The following HTR4 variants were observed in gnomAD, a reference collection of about 807,000 sequenced individuals.
The protein encoded by HTR4 is 5-hydroxytryptamine receptor 4.
In HTR4, 16 loss-of-function variants were observed where a neutral mutation model predicts 36.8. The observed-to-expected ratio is 0.43, with a 90% CI of 0.29 to 0.66. HTR4 has a LOEUF of 0.66. Among genes scored for constraint, HTR4 ranks in the 30% least tolerant of loss-of-function variants. The probability of loss-of-function intolerance (pLI) is 0.13; values close to 1 mark genes in which losing one functional copy is unlikely to be tolerated. For missense variants in HTR4, 438 were observed against 490.9 expected (o/e 0.89, Z 1.02); for synonymous variants, 189 against 185.1 (o/e 1.02, Z -0.17).
intron 4 of HTR4, among the ~76,000 whole-genome samples, chr5:148,534,415 T>A: frequency 6.6e-6 from 1 of 152,176 alleles, no homozygotes; most frequent in East Asian, 1.9e-4. Context: ...CTTAAGTGGG[T>A]ACCTGTTCCC....
chr5:148,508,333 T>C (rs774259025), intron 6 of HTR4, among the ~76,000 whole-genome samples: 1 of 152,168 alleles, frequency 6.6e-6, no homozygotes, highest in Non-Finnish European at 1.5e-5. Context: ...AATGTATTTA[T>C]CACACATAGC....
intron 6 of HTR4, among the ~76,000 whole-genome samples, chr5:148,489,436 T>A (rs1756311337): frequency 6.6e-6 from 1 of 151,910 alleles, no homozygotes; most frequent in Non-Finnish European, 1.5e-5. Flanking sequence ...CCCATAGGAG[T>A]GACAGTGAGT....
intron 2 of HTR4, among the ~76,000 whole-genome samples, chr5:148,574,815 T>C (rs1174934209): frequency 6.6e-6 from 1 of 152,098 alleles, no homozygotes; most frequent in Non-Finnish European, 1.5e-5. Context: ...GTAAGTGAAA[T>C]TTCCACCCAC....
At chr5:148,638,556 G>T (rs898627853) in intron 1 of HTR4, among the ~76,000 whole-genome samples, 2 of 152,004 alleles carry the variant, frequency 1.3e-5, no homozygotes, top group Non-Finnish European at 2.9e-5. Context: ...GGTGTAGACA[G>T]TGCCCATCCA....
At chr5:148,504,896 G>T (rs1757119743) in intron 6 of HTR4, among the ~76,000 whole-genome samples, 1 of 152,170 alleles carries the variant, frequency 6.6e-6, no homozygotes, top group African/African-American at 2.4e-5. Context: ...AAACCTACAA[G>T]AAATGGATAA....
intron 4 of HTR4, among the ~76,000 whole-genome samples, chr5:148,542,936 CAT>C (rs1491299297): frequency 6.6e-6 from 1 of 152,088 alleles, no homozygotes; most frequent in Non-Finnish European, 1.5e-5. Flanking sequence ...TTCTTCACAC[CAT>C]ATGTTTTTGG....
chr5:148,620,625 T>A (rs1167270487), intron 2 of HTR4, among the ~76,000 whole-genome samples: 2 of 152,222 alleles, frequency 1.3e-5, no homozygotes, highest in Non-Finnish European at 2.9e-5. Flanking sequence ...ATATGTTAAG[T>A]TAAATTGAAT....
intron 2 of HTR4, among the ~76,000 whole-genome samples, chr5:148,628,129 A>G (rs1753188222): frequency 6.6e-6 from 1 of 152,226 alleles, no homozygotes; most frequent in Non-Finnish European, 1.5e-5. Context: ...CCAAATGAAC[A>G]TATCTGCTAG....
chr5:148,605,360 G>A (rs1055195864), intron 2 of HTR4, among the ~76,000 whole-genome samples: 2 of 147,232 alleles, frequency 1.4e-5, no homozygotes, highest in African/African-American at 5.1e-5. Context: ...CCAGGTTCAA[G>A]CGATTCTCCT....
In HTR4 at chr5:148,600,891, C is replaced by G. The variant is rs1349035191; in HGVS notation, c.26+36098G>C. Among the ~76,000 whole-genome samples the G allele has an allele frequency of 2.4e-5, 3 of 127,096 alleles. No individual in the cohort carries two copies. In the Admixed American group the frequency reaches 2.8e-4, roughly 12 times the overall value. 83.4% of individuals were successfully genotyped at this position (127,096 alleles called of 152,430 possible). On this transcript the variant is annotated intron_variant, in intron 2 of 6. Transcript: ENST00000377888. ...GCCAAATAAATGAAAATGCAACCCA[C>G]AGAATAAGAGAAAATACATGCAAAC...
intron 4 of HTR4, among the ~76,000 whole-genome samples, chr5:148,544,855 A>G (rs1028501851): frequency 5.9e-5 from 9 of 152,180 alleles, no homozygotes; most frequent in Admixed American, 5.9e-4. Flanking sequence ...GTTACAAATT[A>G]AAGTGAGCCC....
downstream of HTR4, among the ~76,000 whole-genome samples, chr5:148,474,273 A>G (rs1447772420): frequency 1.3e-5 from 2 of 151,842 alleles, no homozygotes; most frequent in Non-Finnish European, 2.9e-5. Context: ...CCCAGCGGCA[A>G]GTTACTGAGA....
chr5:148,554,782 G>T (rs1759860043), intron 2 of HTR4, among the ~76,000 whole-genome samples: 1 of 152,050 alleles, frequency 6.6e-6, no homozygotes, highest in South Asian at 2.1e-4. Flanking sequence ...GTAGTTTCTT[G>T]ATCCTCACCC....
chr5:148,599,174 ATGCAATTGG>A (rs1201114811), intron 2 of HTR4, among the ~76,000 whole-genome samples: 1 of 152,192 alleles, frequency 6.6e-6, no homozygotes. Context: ...TGCAAGGTAT[ATGCAATTGG>A]TAGTCCACAA....
intron 2 of HTR4, among the ~76,000 whole-genome samples, chr5:148,600,991 A>AAC (rs1761970704): frequency 6.7e-6 from 1 of 148,548 alleles, no homozygotes; most frequent in Non-Finnish European, 1.5e-5. Flanking sequence ...AAAAAAAAAA[A>AAC]AAAAAAAAAA....
chr5:148,569,935 A>G (rs1760608402), intron 2 of HTR4, among the ~76,000 whole-genome samples: 1 of 152,088 alleles, frequency 6.6e-6, no homozygotes, highest in African/African-American at 2.4e-5. Context: ...TTGTATGCTT[A>G]TGGGTTACTT....
At chr5:148,622,421 C>T (rs749709527) in intron 2 of HTR4, among the ~76,000 whole-genome samples, 1 of 152,190 alleles carries the variant, frequency 6.6e-6, no homozygotes, top group Admixed American at 6.5e-5. Flanking sequence ...CTTAACCTTT[C>T]CACATGTCCC....
At chr5:148,643,763 GACTA>G (rs1193768523) in intron 1 of HTR4, among the ~76,000 whole-genome samples, 1 of 152,160 alleles carries the variant, frequency 6.6e-6, no homozygotes, top group Admixed American at 6.5e-5. Context: ...AGGAGTTTGA[GACTA>G]ACTGTGAGGT....
chr5:148,484,839 A>T (rs1756075873), intron 6 of HTR4, among the ~76,000 whole-genome samples: 1 of 152,200 alleles, frequency 6.6e-6, no homozygotes, highest in African/African-American at 2.4e-5. Context: ...GATTTTCCAC[A>T]TGCCATTTTA....
Sources: gnomAD v4.1 joint callset for allele counts (sites outside exome capture counted in the v4.1 genomes callset) on GRCh38, gnomAD v4.1.1 for gene constraint, MANE v1.5 for transcripts, NCBI Gene and HGNC (gene_info 2026-07-23, HGNC 2026-07-21) for gene names.